The following GLIS3 variants were observed in gnomAD, a reference collection of about 807,000 sequenced individuals.
GLIS3 encodes the protein zinc finger protein GLIS3.
In GLIS3, 53 loss-of-function variants were observed where a neutral mutation model predicts 78.6. The ratio of observed to expected loss-of-function variants is 0.67; its 90% CI spans 0.54 to 0.85. GLIS3 has a LOEUF of 0.85. GLIS3 is among the 40% of genes least tolerant of loss of function. GLIS3 has a pLI of 0.00. For synonymous variants in GLIS3, 684 were observed against 509.9 expected (o/e 1.34, Z -4.60); for missense variants, 1,703 against 1,231.1 (o/e 1.38, Z -5.74).
intron 6 of GLIS3, among the ~76,000 whole-genome samples, chr9:3,903,636 G>A (rs1482951970): frequency 6.6e-6 from 1 of 152,168 alleles, no homozygotes; most frequent in Non-Finnish European, 1.5e-5. Flanking sequence ...CACTGTTCTA[G>A]GGGCCAGAAA....
the GLIS3 span, among the ~76,000 whole-genome samples, chr9:4,377,083 A>G: frequency 5.9e-5 from 8 of 135,036 alleles, 1 homozygote; most frequent in African/African-American, 2.1e-4. Flanking sequence ...GTGACGGTTA[A>G]TATTAGGTGT....
the GLIS3 span, among the ~76,000 whole-genome samples, chr9:4,381,120 G>A: frequency 1.3e-5 from 2 of 152,164 alleles, no homozygotes; most frequent in Non-Finnish European, 2.9e-5. Flanking sequence ...GAAGAACCAA[G>A]TAAGTGAGAA....
chr9:4,216,042 A>T (rs1820798354), intron 2 of GLIS3, among the ~76,000 whole-genome samples: 1 of 152,186 alleles, frequency 6.6e-6, no homozygotes, highest in Non-Finnish European at 1.5e-5. Flanking sequence ...TGTTTGAGAA[A>T]ATTAGGTCCA....
At chr9:4,020,352 T>C (rs1229382643) in intron 4 of GLIS3, among the ~76,000 whole-genome samples, 1 of 152,172 alleles carries the variant, frequency 6.6e-6, no homozygotes, top group Non-Finnish European at 1.5e-5. Flanking sequence ...CAAAAAAGGC[T>C]TGGGTGCTGT....
chr9:3,843,998 G>A (rs941998778), intron 9 of GLIS3, among the ~76,000 whole-genome samples: 5 of 152,192 alleles, frequency 3.3e-5, no homozygotes, highest in African/African-American at 9.7e-5. Context: ...AAAGAGTTTA[G>A]TCTGAACAAT....
intron 4 of GLIS3, among the ~76,000 whole-genome samples, chr9:4,026,852 C>A (rs1179385156): frequency 6.6e-6 from 1 of 152,156 alleles, no homozygotes. Context: ...TTAATCCTCA[C>A]AATATCCTTT....
At chr9:4,201,173 A>G (rs141156360) in intron 2 of GLIS3, among the ~76,000 whole-genome samples, 1 of 152,204 alleles carries the variant, frequency 6.6e-6, no homozygotes, top group East Asian at 1.9e-4. Context: ...TAGGCATCAA[A>G]GGAACATACC....
chr9:4,121,164 C>A (rs535577758), intron 3 of GLIS3, among the ~76,000 whole-genome samples: 2 of 152,240 alleles, frequency 1.3e-5, no homozygotes, highest in African/African-American at 4.8e-5. Context: ...CTTTGCCTAG[C>A]AGCCAGTCTT....
At chr9:4,183,495 C>G (rs1817510192) in intron 2 of GLIS3, among the ~76,000 whole-genome samples, 1 of 152,152 alleles carries the variant, frequency 6.6e-6, no homozygotes, top group Non-Finnish European at 1.5e-5. Context: ...GCACACTATA[C>G]TGAAGGAAGC....
At chr9:4,488,642 C>T in the GLIS3 span, among the ~76,000 whole-genome samples, 3 of 152,112 alleles carry the variant, frequency 2.0e-5, no homozygotes, top group African/African-American at 7.2e-5. Flanking sequence ...GTCTCAGCCT[C>T]CCGAATAGCT....
At position 4,118,588 on chromosome 9, in the gene GLIS3, C is replaced by T. The variant is rs1355025358; in HGVS notation, c.890G>A (p.Arg297His). 1.1e-5 allele frequency: 17 copies of T among 1,614,104 alleles called. No homozygotes were observed. Among genetic ancestry groups the T allele is most frequent in the Middle Eastern group, 3.3e-4 (2 of 6,084 alleles). Residue 297 changes from arginine (R) to histidine (H), a missense_variant, in exon 4 of 11, where the codon CGC (arginine) becomes CAC (histidine). Coordinates refer to ENST00000381971, the MANE Select transcript of GLIS3 (RefSeq NM_001042413.2). This position sits in a 1 kb window ranked among gnomAD's most constrained non-coding sequence, Gnocchi z 4.7. ...RHSSTRSHSA[R>H]SKKRALSLSP... ...CAAGGACAGCGCTCTCTTCTTGGAG[C>T]GGGCCGAGTGGGACCTGGTGGATGA...
chr9:3,930,763 C>A (rs374434873), intron 6 of GLIS3, among the ~76,000 whole-genome samples: 2 of 152,144 alleles, frequency 1.3e-5, no homozygotes, highest in East Asian at 3.8e-4. Context: ...ACAATAAAAC[C>A]TTACACATTT....
intron 2 of GLIS3, among the ~76,000 whole-genome samples, chr9:4,198,008 G>T (rs12001102): frequency 6.6e-6 from 1 of 152,072 alleles, no homozygotes; most frequent in African/African-American, 2.4e-5. Context: ...AAAAATTCCT[G>T]CCTGCATGAA....
chr9:4,397,899 A>G, the GLIS3 span, among the ~76,000 whole-genome samples: 1 of 151,956 alleles, frequency 6.6e-6, no homozygotes, highest in Non-Finnish European at 1.5e-5. Flanking sequence ...CAACTTCTGA[A>G]TATCTCTATA....
At chr9:4,082,596 A>T (rs375939781) in intron 4 of GLIS3, among the ~76,000 whole-genome samples, 3 of 152,320 alleles carry the variant, frequency 2.0e-5, no homozygotes, top group South Asian at 2.1e-4. Flanking sequence ...CTGACAGTCC[A>T]TAATTATGTG....
At chr9:4,142,978 C>T (rs1412017944) in intron 2 of GLIS3, among the ~76,000 whole-genome samples, 1 of 152,130 alleles carries the variant, frequency 6.6e-6, no homozygotes, top group Admixed American at 6.5e-5. Flanking sequence ...TCCCTTTCTT[C>T]TCTCTTATAG....
the GLIS3 span, among the ~76,000 whole-genome samples, chr9:4,386,785 A>G: frequency 7.2e-5 from 11 of 152,288 alleles, no homozygotes; most frequent in South Asian, 4.1e-4. Flanking sequence ...TGTCATAGCT[A>G]AAGTGTGAAT....
chr9:3,937,347 G>A (rs1023011043), intron 4 of GLIS3, among the ~76,000 whole-genome samples, 158 bp from the exon 5 acceptor site: 2 of 152,020 alleles, frequency 1.3e-5, no homozygotes, highest in East Asian at 1.9e-4. Flanking sequence ...AAAAATATCC[G>A]AATATTTATG....
chr9:4,357,561 C>CTGTGTGTGTGTGTGTGTGTG, the GLIS3 span, among the ~76,000 whole-genome samples: 2 of 147,762 alleles, frequency 1.4e-5, no homozygotes, highest in South Asian at 4.4e-4. Flanking sequence ...GAACTAATTC[C>CTGTGTGTGTGTGTGTGTGTG]TGTGTGTGTG....
Sources: gnomAD v4.1 joint callset for allele counts (sites outside exome capture counted in the v4.1 genomes callset) on GRCh38, gnomAD v4.1.1 for gene constraint, Gnocchi (gnomAD v3.1) non-coding constraint, MANE v1.5 for transcripts, NCBI Gene and HGNC (gene_info 2026-07-23, HGNC 2026-07-21) for gene names.